The following DSC3 variants were observed in gnomAD, a reference collection of about 807,000 sequenced individuals.
DSC3 encodes the protein desmocollin-3.
DSC3 carries 97 observed loss-of-function variants against 89.5 expected under a neutral mutation model. The observed-to-expected ratio is 1.08, with a 90% CI of 0.92 to 1.28. The LOEUF (loss-of-function observed/expected upper bound fraction) is 1.28, where lower values mean the gene tolerates loss of function less well. Ranked by LOEUF, DSC3 falls within the 50% of genes most tolerant of loss-of-function variation. The pLI, the probability that DSC3 is intolerant of heterozygous loss-of-function variation, is 0.00. For synonymous variants in DSC3, 436 were observed against 384.1 expected, an observed-to-expected ratio of 1.14 and a Z score of -1.58; for missense variants, 1,199 against 1,085.3, an observed-to-expected ratio of 1.10 and a Z score of -1.47.
chr18:30,990,276 A>G lies in DSC3; in HGVS notation c.*3899T>C, dbSNP rs1984190562. On this transcript the variant is annotated 3_prime_UTR_variant, in exon 16 of 16. Transcript: ENST00000360428. The stretch of plus-strand genomic sequence containing the variant: ...TTCAAAGGTCACACAGAAGTAAGTG[A>G]CAGATCCAGGATTCATATCCAAGCA... 1 of 152,192 alleles carries G rather than the reference A, an allele frequency of 6.6e-6. No homozygotes were observed. Among genetic ancestry groups the G allele is most frequent in the South Asian group, 2.1e-4 (1 of 4,830 alleles). The allele number at this position is 152,192 out of a possible 1,614,324, so 9.4% of individuals were successfully genotyped here. A position where few individuals can be genotyped will look rare whatever the true frequency, so the allele number is the denominator to read the frequency against.
chr18:31,008,132 C>T lies in DSC3; in HGVS notation c.1547G>A (p.Gly516Asp). ...TGAAATTTCATCAATGGTGATCCAACCTTTAGGATCATGCAATTTTTTGTA... is the reference window on the plus strand; with the variant it reads ...TGAAATTTCATCAATGGTGATCCAATCTTTAGGATCATGCAATTTTTTGTA... ...LRYKKLHDPK[G>D]WITIDEISGS... The change falls in exon 11 of 16, where the codon GGT becomes GAT. Residue 516 changes from glycine to aspartate, a missense_variant. Gly to Asp is a moderately conservative substitution (Grantham distance 94, BLOSUM62 -1). Coordinates refer to ENST00000360428, the MANE Select transcript of DSC3 (RefSeq NM_001941.5). 6.2e-7 allele frequency: 1 copy of T among 1,611,846 alleles called. No individual in the cohort carries two copies. The highest frequency in any genetic ancestry group is 1.7e-5 in the Admixed American group (1 of 59,800).
chr18:31,003,733 C>T (rs529052083), intron 13 of DSC3, among the ~76,000 whole-genome samples: 1 of 152,288 alleles, frequency 6.6e-6, no homozygotes, highest in Admixed American at 6.5e-5. Flanking sequence ...CAAGAAGAGA[C>T]ATTGCTGAGA....
At chr18:31,031,379 T>C (rs1985787121) in intron 2 of DSC3, among the ~76,000 whole-genome samples, 1 of 152,212 alleles carries the variant, frequency 6.6e-6, no homozygotes, top group Non-Finnish European at 1.5e-5. Flanking sequence ...TGAGTGTATA[T>C]TTCTATTAAA....
chr18:31,000,839 T>G (rs1984627325), intron 14 of DSC3, among the ~76,000 whole-genome samples: 1 of 151,882 alleles, frequency 6.6e-6, no homozygotes, highest in South Asian at 2.1e-4. Context: ...TCATAGGTGT[T>G]TTTGAACTCT....
intron 4 of DSC3, among the ~76,000 whole-genome samples, chr18:31,027,889 T>C (rs1190795200): frequency 6.6e-6 from 1 of 152,144 alleles, no homozygotes. Flanking sequence ...TTTCTGCAGC[T>C]TAAACCTTAT....
intron 15 of DSC3, among the ~76,000 whole-genome samples, chr18:30,995,993 AAAAAAAG>A (rs1446832810): frequency 4.2e-5 from 6 of 142,558 alleles, no homozygotes; most frequent in African/African-American, 1.3e-4. Context: ...AAAAAAAAAA[AAAAAAAG>A]AAAAGAAAGA....
At position 31,031,022 on chromosome 18, in the gene DSC3, C is replaced by CT. The variant is rs1567960949; in HGVS notation, c.304dup (p.Arg102LysfsTer25). 2 of 1,613,488 alleles carry CT rather than the reference C, an allele frequency of 1.2e-6. No homozygotes were observed. On this transcript the variant is annotated frameshift_variant, in exon 3 of 16. Coordinates refer to ENST00000360428, the MANE Select transcript of DSC3 (RefSeq NM_001941.5). LOFTEE classifies it high-confidence loss of function. ...AGTAACCTCTTTCTGTGTCTGTTTC[C>CT]TTTTGTCAGAAAGCCATATGGTAAA...
At chr18:31,013,149 T>A (rs1228806282) in intron 9 of DSC3, among the ~76,000 whole-genome samples, 1 of 152,182 alleles carries the variant, frequency 6.6e-6, no homozygotes, top group African/African-American at 2.4e-5. Context: ...ATATAGATGC[T>A]AATTAATAAA....
intron 9 of DSC3, among the ~76,000 whole-genome samples, chr18:31,013,036 C>A (rs1462764077): frequency 1.3e-5 from 2 of 151,940 alleles, no homozygotes; most frequent in African/African-American, 4.8e-5. Context: ...GAAAAAAATC[C>A]ACAAAGGAAG....
At chr18:31,009,030 T>C (rs984876900) in intron 9 of DSC3, among the ~76,000 whole-genome samples, 3 of 152,046 alleles carry the variant, frequency 2.0e-5, no homozygotes, top group Admixed American at 1.3e-4. Context: ...AGAAAAGATA[T>C]CTCCAGTATT....
At chr18:30,998,009 T>C (rs887378910) in intron 14 of DSC3, among the ~76,000 whole-genome samples, 2 of 152,200 alleles carry the variant, frequency 1.3e-5, no homozygotes, top group Admixed American at 1.3e-4. Flanking sequence ...AAGATCTATA[T>C]GCTATGCTAA....
Position 30,996,885 on chromosome 18 carries a change from G to T in DSC3, c.2399C>A (p.Thr800Asn). The change falls in exon 15 of 16, where the codon ACC (threonine) becomes AAC (asparagine). Residue 800 changes from threonine (T) to asparagine (N), a missense_variant. Physicochemically the swap from Thr to Asn is moderately conservative, Grantham distance 65. Transcript: ENST00000360428. ...ESCRGAGHHH[T>N]LDSCRGGHTE... ...GTGTCCTCCCCTGCAGGAGTCCAGG[G>T]TATGATGATGCCCAGCCCCCCGGCA... 6.2e-7 allele frequency: 1 copy of T among 1,613,858 alleles called. No individual in the cohort carries two copies. Among genetic ancestry groups the T allele is most frequent in the Non-Finnish European group, 8.5e-7 (1 of 1,180,000 alleles).
intron 14 of DSC3, among the ~76,000 whole-genome samples, chr18:30,999,569 G>A (rs1448270881): frequency 6.6e-6 from 1 of 152,114 alleles, no homozygotes; most frequent in Non-Finnish European, 1.5e-5. Context: ...TAAACTAAAA[G>A]CAATGCTGAG....
intron 1 of DSC3, among the ~76,000 whole-genome samples, chr18:31,039,011 A>T (rs1986054940): frequency 6.6e-6 from 1 of 152,114 alleles, no homozygotes; most frequent in African/African-American, 2.4e-5. Context: ...TAAAGTAAAA[A>T]ATGTAAAGAC....
chr18:31,039,847 A>G (rs1986079115), intron 1 of DSC3, among the ~76,000 whole-genome samples: 1 of 152,200 alleles, frequency 6.6e-6, no homozygotes, highest in Admixed American at 6.5e-5. Flanking sequence ...ATAATGCATC[A>G]ATCTAAATAT....
intron 9 of DSC3, among the ~76,000 whole-genome samples, chr18:31,008,795 T>C (rs999447064): frequency 1.3e-5 from 2 of 152,116 alleles, no homozygotes; most frequent in Non-Finnish European, 2.9e-5. Flanking sequence ...CTAAGGAAAA[T>C]TACTCTGATT....
chr18:31,029,305 CAAAT>C (rs1371217232), intron 4 of DSC3, among the ~76,000 whole-genome samples, 200 bp downstream of exon 4: 2 of 152,138 alleles, frequency 1.3e-5, no homozygotes, highest in Non-Finnish European at 2.9e-5. Context: ...AATGAATAAA[CAAAT>C]AAAGATCATT....
At chr18:31,031,467 A>G (rs1411844334) in intron 2 of DSC3, among the ~76,000 whole-genome samples, 6 of 152,186 alleles carry the variant, frequency 3.9e-5, no homozygotes, top group Non-Finnish European at 7.3e-5. Context: ...GGCATGTTAT[A>G]ATCATGACAA....
intron 1 of DSC3, among the ~76,000 whole-genome samples, chr18:31,034,218 G>A (rs572587510): frequency 6.6e-6 from 1 of 152,100 alleles, no homozygotes; most frequent in East Asian, 1.9e-4. Flanking sequence ...ACAGAAAAAC[G>A]GGCAGAGGAT....
Sources: allele counts gnomAD v4.1 joint callset (sites outside exome capture counted in the v4.1 genomes callset), GRCh38; gene constraint gnomAD v4.1.1; transcripts MANE v1.5; gene names NCBI Gene and HGNC (gene_info 2026-07-23, HGNC 2026-07-21).